Variants in TOM1L2 observed in about 807,000 individuals in gnomAD.
TOM1L2 encodes TOM1-like protein 2.
A neutral mutation model predicts 67.9 loss-of-function variants in TOM1L2; 31 were observed. The ratio of observed to expected loss-of-function variants is 0.46; its 90% CI spans 0.34 to 0.62. The LOEUF (loss-of-function observed/expected upper bound fraction) is 0.62. Among genes scored for constraint, TOM1L2 ranks in the 20% least tolerant of loss-of-function variants. The probability of loss-of-function intolerance (pLI) is 0.01; values close to 1 mark genes in which losing one functional copy is unlikely to be tolerated. For missense variants in TOM1L2, 606 were observed against 663.5 expected (o/e 0.91, Z 0.95); for synonymous variants, 256 against 254.0 (o/e 1.01, Z -0.07).
intron 1 of TOM1L2, among the ~76,000 whole-genome samples, chr17:17,954,521 C>T (rs1273939899): frequency 2.0e-5 from 3 of 152,146 alleles, no homozygotes; most frequent in African/African-American, 7.2e-5. Context: ...CCATGTTGGC[C>T]AGGCTAGTCT....
At chr17:17,883,458 G>C (rs2037833869) in intron 5 of TOM1L2, among the ~76,000 whole-genome samples, 1 of 152,234 alleles carries the variant, frequency 6.6e-6, no homozygotes, top group South Asian at 2.1e-4. Flanking sequence ...CCCTGGGCCA[G>C]GTGCGGTGGC....
At chr17:17,857,905 C>T in intron 12 of TOM1L2, 1 of 1,477,530 alleles carries the variant, frequency 6.8e-7, no homozygotes, top group Non-Finnish European at 9.1e-7. Context: ...GTCAATAGCA[C>T]ATATTGTGGA....
At chr17:17,964,009 G>A (rs2041791512) in intron 1 of TOM1L2, among the ~76,000 whole-genome samples, 1 of 152,204 alleles carries the variant, frequency 6.6e-6, no homozygotes, top group South Asian at 2.1e-4. Flanking sequence ...TGTGAGCTCA[G>A]AGAAGAGATT....
At chr17:17,951,427 C>T (rs984560073) in intron 1 of TOM1L2, among the ~76,000 whole-genome samples, 2 of 152,174 alleles carry the variant, frequency 1.3e-5, no homozygotes, top group Non-Finnish European at 2.9e-5. Flanking sequence ...TGGGTAGACA[C>T]TGTAGATTCT....
intron 1 of TOM1L2, among the ~76,000 whole-genome samples, chr17:17,932,688 T>C (rs971409924): frequency 6.6e-6 from 1 of 152,142 alleles, no homozygotes; most frequent in Non-Finnish European, 1.5e-5. Flanking sequence ...CTTTAAAATA[T>C]TGGGGTAAGG....
Position 17,846,559 on chromosome 17 carries a change from A to C in TOM1L2, c.*1076T>G, listed in dbSNP as rs1382671120. On this transcript the variant is annotated 3_prime_UTR_variant, in exon 15 of 15. Transcript: ENST00000379504. ...GACCTCTGAGGTGGGAGGAGGCCAG[A>C]CTGTCAGGAGAGTCTGTGCAAGGAG... is the stretch of plus-strand genomic sequence containing the variant. 1 of 152,570 alleles carries C rather than the reference A, an allele frequency of 6.6e-6. No homozygotes were observed. Among genetic ancestry groups the C allele is most frequent in the Non-Finnish European group, 1.5e-5 (1 of 68,298 alleles). 9.5% of individuals were successfully genotyped at this position (152,570 alleles called of 1,614,324 possible).
intron 1 of TOM1L2, among the ~76,000 whole-genome samples, chr17:17,962,441 T>G (rs1441543067): frequency 6.6e-6 from 1 of 151,834 alleles, no homozygotes; most frequent in Non-Finnish European, 1.5e-5. Context: ...GCCTCCCGAG[T>G]ACCTGGGACT....
At chr17:17,966,806 T>C (rs1052118550) in intron 1 of TOM1L2, among the ~76,000 whole-genome samples, 5 of 152,236 alleles carry the variant, frequency 3.3e-5, no homozygotes, top group African/African-American at 9.6e-5. Flanking sequence ...GTACAGAGTT[T>C]GCATATAGTT....
intron 4 of TOM1L2, among the ~76,000 whole-genome samples, chr17:17,887,684 T>C (rs1225920222): frequency 1.3e-5 from 2 of 152,168 alleles, no homozygotes; most frequent in Non-Finnish European, 2.9e-5. Flanking sequence ...TCATGTGGCC[T>C]AGGCTGGTCT....
intron 3 of TOM1L2, 146 bp from the exon 4 acceptor site, chr17:17,893,956 G>T: frequency 1.4e-6 from 1 of 729,550 alleles, no homozygotes; most frequent in Non-Finnish European, 2.2e-6. Flanking sequence ...AGCCAAACCT[G>T]CATGGCACAC....
At chr17:17,874,572 C>T (rs193019962) in intron 7 of TOM1L2, among the ~76,000 whole-genome samples, 214 of 152,252 alleles carry the variant, frequency 1.4e-3, no homozygotes, top group Non-Finnish European at 2.0e-3. Flanking sequence ...TGCCTGGCCT[C>T]CATTACTTTA....
rs2035721993 is a variant in TOM1L2, at chr17:17,847,681, C to A, written c.1478G>T (p.Gly493Val). ...EAPAPASNPS[G>V]RKKPERSEDA... ...CTCTGACCGCTCTGGCTTCTTCCGG[C>A]CAGAAGGGTTTGAGGCTGGGGCAGG... The change falls in exon 15 of 15, where the codon GGC becomes GTC. Residue 493 changes from glycine to valine, a missense_variant. Coordinates refer to ENST00000379504, the MANE Select transcript of TOM1L2 (RefSeq NM_001082968.2). 1 of 1,613,784 alleles carries A rather than the reference C, an allele frequency of 6.2e-7. No individual in the cohort carries two copies. Among genetic ancestry groups the A allele is most frequent in the South Asian group, 1.1e-5 (1 of 91,080 alleles).
At chr17:17,905,124 C>T (rs150684003) in intron 2 of TOM1L2, among the ~76,000 whole-genome samples, 2,456 of 152,310 alleles carry the variant, frequency 0.016, 25 homozygotes, top group Non-Finnish European at 0.026. Flanking sequence ...GATGTGTAGT[C>T]CCTAACAACT....
intron 12 of TOM1L2, among the ~76,000 whole-genome samples, chr17:17,861,029 G>T (rs2036529725): frequency 6.6e-6 from 1 of 152,176 alleles, no homozygotes. Flanking sequence ...GGTCAGCATT[G>T]TCCTTCCTGG....
rs1388131333 is a variant in TOM1L2 at position 17,893,727 on chromosome 17, G to C, written c.300C>G (p.Val100=). Residue 100 remains valine (V), a synonymous_variant, in exon 4 of 15, where the codon GTC becomes GTG. Transcript: ENST00000379504. ...GGTTGTTCTTGGGAGATATAATTTT[G>C]ACCAGAACACTGTCGATGAAATCTC... ...ANRDFIDSVL[V]KIISPKNNPP... The C allele has an allele frequency of 6.2e-7, 1 of 1,613,986 alleles. No homozygotes were observed. Among genetic ancestry groups the C allele is most frequent in the Admixed American group, 1.7e-5 (1 of 60,000 alleles).
chr17:17,874,250 A>G (rs1328574502), intron 7 of TOM1L2, among the ~76,000 whole-genome samples: 1 of 150,308 alleles, frequency 6.7e-6, no homozygotes, highest in Non-Finnish European at 1.5e-5. Context: ...CACCACGCCC[A>G]GCCATTACTT....
At chr17:17,861,869 T>G in intron 11 of TOM1L2, 1 of 260,712 alleles carries the variant, frequency 3.8e-6, no homozygotes, top group South Asian at 7.7e-5. Context: ...AGTGCCCTAA[T>G]ACTCCTCAGA....
intron 8 of TOM1L2, 39 bp downstream of exon 8, chr17:17,869,301 T>C (rs1408647744): frequency 6.3e-7 from 1 of 1,580,212 alleles, no homozygotes; most frequent in Non-Finnish European, 8.6e-7. Context: ...CAACAATCTT[T>C]TCAAGGGAAA....
Position 17,894,979 on chromosome 17 carries a change from G to A in TOM1L2, c.217-1169C>T, listed in dbSNP as rs867682367. On this transcript the variant is annotated intron_variant, in intron 3 of 14. Transcript: ENST00000379504. ...TACATACATACATACATACATACAT[G>A]CATGCATGCATGCATAAAATAATGC... is the stretch of plus-strand genomic sequence containing the variant. 4.5e-3 allele frequency among the ~76,000 whole-genome samples: 594 copies of A among 131,886 alleles called. 4 individuals carry two copies. The highest frequency in any genetic ancestry group is 6.0e-3 in the Admixed American group (78 of 13,086). The allele number at this position is 131,886 out of a possible 152,430, so 86.5% of individuals were successfully genotyped here. A position where few individuals can be genotyped will look rare whatever the true frequency, so the allele number is the denominator to read the frequency against.
Sources: gnomAD v4.1 joint callset for allele counts (sites outside exome capture counted in the v4.1 genomes callset) on GRCh38, gnomAD v4.1.1 for gene constraint, MANE v1.5 for transcripts, NCBI Gene and HGNC (gene_info 2026-07-23, HGNC 2026-07-21) for gene names.